The following APOBEC3B variants were observed in gnomAD, a reference collection of about 807,000 sequenced individuals.
APOBEC3B encodes the protein DNA dC->dU-editing enzyme APOBEC-3B.
APOBEC3B carries 29 observed loss-of-function variants against 53.4 expected under a neutral mutation model. The observed-to-expected ratio is 0.54, with a 90% CI of 0.40 to 0.74. The LOEUF is 0.74. Among genes scored for constraint, APOBEC3B ranks in the 30% least tolerant of loss-of-function variants. The probability of loss-of-function intolerance (pLI) is 0.00; values close to 1 mark genes in which losing one functional copy is unlikely to be tolerated. For synonymous variants in APOBEC3B, 132 were observed against 184.8 expected (o/e 0.71, Z 2.32); for missense variants, 347 against 496.2 (o/e 0.70, Z 2.86).
At position 38,989,886 on chromosome 22, in the gene APOBEC3B, C is replaced by T. The variant is rs1923922841; in HGVS notation, c.723+276C>T. Among the ~76,000 whole-genome samples the T allele has an allele frequency of 2.7e-5, 4 of 148,736 alleles. 1 individual carries two copies. Among genetic ancestry groups the T allele is most frequent in the African/African-American group, 7.3e-5 (3 of 40,904 alleles). On this transcript the variant is annotated intron_variant, in intron 5 of 7. Coordinates refer to ENST00000333467, the MANE Select transcript of APOBEC3B (RefSeq NM_004900.5). Reference sequence around the variant, plus strand: ...AGCTCTCACCAGGAATGATTCGGAACTGTGGGATTTGAGGACTCAGGGCCT... The same window carrying T: ...AGCTCTCACCAGGAATGATTCGGAATTGTGGGATTTGAGGACTCAGGGCCT...
rs3831703 is a variant in APOBEC3B, at chr22:38,988,617, A to ATTCC, written c.570-826_570-823dup. On this transcript the variant is annotated intron_variant, in intron 4 of 7. Transcript: ENST00000333467. ...CTACTAGAAATTGTGGCAAACAGAGATTCCTTCCTTCCTTCCTCCCTTCCT... is the reference window on the plus strand; with the variant it reads ...CTACTAGAAATTGTGGCAAACAGAGATTCCTTCCTTCCTTCCTTCCTCCCTTCCT... 6.6e-5 allele frequency among the ~76,000 whole-genome samples: 9 copies of ATTCC among 136,470 alleles called. 1 individual carries two copies. The highest frequency in any genetic ancestry group is 5.4e-4 in the East Asian group (2 of 3,736). 89.5% of individuals were successfully genotyped at this position (136,470 alleles called of 152,430 possible). A position where few individuals can be genotyped will look rare whatever the true frequency, so the allele number is the denominator to read the frequency against.
rs375587851 is a variant in APOBEC3B, at chr22:38,984,236, C to T, written c.174+5C>T. 378 of 1,590,492 alleles carry T rather than the reference C, an allele frequency of 2.4e-4. 46 individuals are homozygous for T. The East Asian group carries it at 2.7e-3, about 11-fold the overall frequency. The stretch of plus-strand genomic sequence containing the variant: ...ACAGGGGTCTTTCGAGGCCAGGTAC[C>T]ACCCAAACTTCAATCGAATCACAGG... On this transcript the variant is annotated splice_donor_5th_base_variant and intron_variant, in intron 2 of 7. Transcript: ENST00000333467.
chr22:38,986,571 CT>C (rs1200390846), intron 4 of APOBEC3B, among the ~76,000 whole-genome samples, 159 bp downstream of exon 4: 1 of 146,762 alleles, frequency 6.8e-6, no homozygotes, highest in Non-Finnish European at 1.5e-5. Flanking sequence ...TCCACACTGC[CT>C]CCTCCCTGCT....
intron 7 of APOBEC3B, 31 bp from the exon 8 acceptor site, chr22:38,992,400 C>T (rs576561916): frequency 6.2e-7 from 1 of 1,600,342 alleles, no homozygotes; most frequent in Non-Finnish European, 8.5e-7. Context: ...TCTCTCACCT[C>T]CTGCTCCATT....
chr22:38,989,710 T>C (rs1212850194), intron 5 of APOBEC3B, 100 bp downstream of exon 5: 1 of 1,196,468 alleles, frequency 8.4e-7, no homozygotes, highest in Admixed American at 2.9e-5. Context: ...CCTGCAGTGT[T>C]TGTCACTTGT....
intron 1 of APOBEC3B, among the ~76,000 whole-genome samples, chr22:38,983,833 T>C (rs1170134736): frequency 6.7e-6 from 1 of 148,628 alleles, no homozygotes. Flanking sequence ...GTGGGGAATG[T>C]ACCCCTGGAA....
intron 4 of APOBEC3B, among the ~76,000 whole-genome samples, chr22:38,988,703 T>TTCTCTCTC (rs1569039051): frequency 2.9e-5 from 3 of 102,198 alleles, no homozygotes; most frequent in African/African-American, 1.1e-4. Context: ...CTTTCTTTCT[T>TTCTCTCTC]TCTTTCTTTC....
chr22:38,985,640 C>T lies in APOBEC3B; in HGVS notation c.175-172C>T, dbSNP rs569154753. 2.7e-5 allele frequency among the ~76,000 whole-genome samples: 4 copies of T among 147,784 alleles called. No homozygotes were observed. In the East Asian group the frequency reaches 9.2e-4, roughly 34 times the overall value. On this transcript the variant is annotated intron_variant, in intron 2 of 7. Transcript: ENST00000333467. ...CATTACAATAGCCATTAACACTGAA[C>T]GTGAGCTTTGGAGCAGACAATCACT...
chr22:38,990,145 A>G (rs1182007204), intron 5 of APOBEC3B, among the ~76,000 whole-genome samples: 2 of 113,412 alleles, frequency 1.8e-5, no homozygotes, highest in Non-Finnish European at 3.7e-5. Flanking sequence ...CCTGAGCCCA[A>G]GGGACTTTCT....
rs375891493 is a variant in APOBEC3B at position 38,984,046 on chromosome 22, A to G, written c.18-29A>G. 18 of 1,569,082 alleles carry G rather than the reference A, an allele frequency of 1.1e-5. 3 individuals are homozygous for G. The East Asian group carries it at 4.3e-4, about 38-fold the overall frequency. On this transcript the variant is annotated intron_variant, in intron 1 of 7. Coordinates refer to ENST00000333467, the MANE Select transcript of APOBEC3B (RefSeq NM_004900.5). ...GAGGACTCCCGGGAGGGCTCCCTGCATGGGCCGGTTTCTCTCTTGTGCCTT... is the reference window on the plus strand; with the variant it reads ...GAGGACTCCCGGGAGGGCTCCCTGCGTGGGCCGGTTTCTCTCTTGTGCCTT...
At chr22:38,984,262 C>A in intron 2 of APOBEC3B, 31 bp downstream of exon 2, 1 of 1,582,962 alleles carries the variant, frequency 6.3e-7, no homozygotes, top group African/African-American at 1.4e-5. Flanking sequence ...GAATCACAGG[C>A]AGTGTTGCAG....
intron 1 of APOBEC3B, 58 bp from the exon 2 acceptor site, chr22:38,984,017 C>T: frequency 6.5e-7 from 1 of 1,545,460 alleles, no homozygotes; most frequent in Non-Finnish European, 8.7e-7. Context: ...TGGACATGAG[C>T]CCCGAGGACT....
Position 38,985,968 on chromosome 22 carries a change from C to T in APOBEC3B, c.331C>T (p.His111Tyr). The change falls in exon 3 of 8, where the codon CAC becomes TAC. Residue 111 changes from histidine (H) to tyrosine (Y), a missense_variant. This residue lies in a region of APOBEC3B where 20 missense variants were observed against 50.9 expected (regional missense o/e 0.39). Coordinates refer to ENST00000333467, the MANE Select transcript of APOBEC3B (RefSeq NM_004900.5). ...VAKLAEFLSEHPNVTLTISAA... is the reference protein window; with the variant it reads ...VAKLAEFLSEYPNVTLTISAA... The stretch of plus-strand genomic sequence containing the variant: ...GAAGCTGGCCGAATTCCTGTCTGAG[C>T]ACCCCAATGTCACCCTGACCATCTC... The T allele has an allele frequency of 6.2e-7, 1 of 1,601,112 alleles. No homozygotes were observed. The highest frequency in any genetic ancestry group is 8.5e-7 in the Non-Finnish European group (1 of 1,176,184).
In APOBEC3B at chr22:38,992,060, G is replaced by C. The variant is rs1271117524; in HGVS notation, c.1045G>C (p.Val349Leu). 6.3e-7 allele frequency: 1 copy of C among 1,589,736 alleles called. No individual in the cohort carries two copies. The highest frequency in any genetic ancestry group is 8.5e-7 in the Non-Finnish European group (1 of 1,170,740). Reference protein sequence around the residue: ...DEFEYCWDTFVYRQGCPFQPW... With the variant: ...DEFEYCWDTFLYRQGCPFQPW... ...GTTTGAGTACTGCTGGGACACCTTT[G>C]TGTACCGCCAGGGATGTCCCTTCCA... is the stretch of plus-strand genomic sequence containing the variant. Residue 349 changes from valine to leucine, a missense_variant, in exon 7 of 8, where the codon GTG (valine) becomes CTG (leucine). Around this residue, in one of 5 missense-constraint regions of APOBEC3B, gnomAD observed 78 missense variants for 103.9 expected, o/e 0.75. Coordinates refer to ENST00000333467, the MANE Select transcript of APOBEC3B (RefSeq NM_004900.5).
At position 38,992,511 on chromosome 22, in the gene APOBEC3B, T is replaced by A; in HGVS notation, c.*66T>A. The A allele has an allele frequency of 6.3e-7, 1 of 1,576,866 alleles. No homozygotes were observed. Among genetic ancestry groups the A allele is most frequent in the South Asian group, 1.1e-5 (1 of 86,978 alleles). On this transcript the variant is annotated 3_prime_UTR_variant, in exon 8 of 8. Transcript: ENST00000333467. Reference sequence around the variant, plus strand: ...TGAGCAGCAGAATAAAAGATCTTCTTCCAAGAAATGCAAACAGACCGTTCA... The same window carrying A: ...TGAGCAGCAGAATAAAAGATCTTCTACCAAGAAATGCAAACAGACCGTTCA...
chr22:38,989,267 T>A lies in APOBEC3B; in HGVS notation c.570-190T>A, dbSNP rs150289577. ...AACAGGCCCCGGGGCTGTGTTGACT[T>A]CCTGATAATCCACCAGAAGGGGTCA... On this transcript the variant is annotated intron_variant, in intron 4 of 7. Transcript: ENST00000333467. Among the ~76,000 whole-genome samples the A allele has an allele frequency of 2.8e-3, 415 of 148,244 alleles. 22 individuals are homozygous for A. Among genetic ancestry groups the A allele is most frequent in the African/African-American group, 9.8e-3 (400 of 40,830 alleles).
At chr22:38,985,204 C>T (rs1923686809) in intron 2 of APOBEC3B, among the ~76,000 whole-genome samples, 4 of 148,148 alleles carry the variant, frequency 2.7e-5, no homozygotes. Context: ...CTGGCCACTT[C>T]CCACAGTTCT....
In APOBEC3B at chr22:38,992,733, A is replaced by C; in HGVS notation, c.*288A>C. On this transcript the variant is annotated 3_prime_UTR_variant, in exon 8 of 8. Coordinates refer to ENST00000333467, the MANE Select transcript of APOBEC3B (RefSeq NM_004900.5). ...AGTGATTAATTGGCTCCATATTTAG[A>C]CTAATAAAACATTAAGAATCTTCCA... is the stretch of plus-strand genomic sequence containing the variant. 1.3e-6 allele frequency: 1 copy of C among 771,980 alleles called. No homozygotes were observed. Among genetic ancestry groups the C allele is most frequent in the South Asian group, 2.0e-5 (1 of 50,888 alleles). 47.8% of individuals were successfully genotyped at this position (771,980 alleles called of 1,614,324 possible). A position where few individuals can be genotyped will look rare whatever the true frequency, so the allele number is the denominator to read the frequency against.
chr22:38,983,202 C>CAGAT lies in APOBEC3B; in HGVS notation c.17+734_17+737dup, dbSNP rs756483218. ...AGGCATGGTGGCGCATCTCTAGTCC[C>CAGAT]AGATACTCAGGAGGTTTAGGCAGGA... On this transcript the variant is annotated intron_variant, in intron 1 of 7. Coordinates refer to ENST00000333467, the MANE Select transcript of APOBEC3B (RefSeq NM_004900.5). Among the ~76,000 whole-genome samples the CAGAT allele has an allele frequency of 3.4e-5, 5 of 147,946 alleles. 2 individuals carry two copies. The East Asian group carries it at 6.8e-4, about 20-fold the overall frequency.
Sources: allele counts gnomAD v4.1 joint callset (sites outside exome capture counted in the v4.1 genomes callset), GRCh38; gene constraint gnomAD v4.1.1; regional missense constraint gnomAD v4.1.1; transcripts MANE v1.5; gene names NCBI Gene and HGNC (gene_info 2026-07-23, HGNC 2026-07-21).